CPHXL: variants seen among roughly 807,000 people sequenced by gnomAD.
The protein encoded by CPHXL is cytoplasmic polyadenylated homeobox-like protein.
intron 2 of CPHXL, among the ~76,000 whole-genome samples, chr16:75,717,022 A>G (rs1555519239): frequency 6.6e-6 from 1 of 152,220 alleles, no homozygotes; most frequent in Non-Finnish European, 1.5e-5. Context: ...AGTAAAAGGC[A>G]ACTTTCATCT....
Position 75,718,394 on chromosome 16 carries a change from TTTTG to T in CPHXL, c.86_89del (p.Thr29AsnfsTer40). On this transcript the variant is annotated frameshift_variant, in exon 2 of 3. Coordinates refer to ENST00000640559, the MANE Select transcript of CPHXL (RefSeq NM_001355613.1). LOFTEE classifies it high-confidence loss of function. The stretch of plus-strand genomic sequence containing the variant: ...ATTCTTCAGAAAATTTATGTCGGTG[TTTTG>T]TTTTTCTTTTATTCTTTGTTTGTCT... 2 of 398,774 alleles carry T rather than the reference TTTTG, an allele frequency of 5.0e-6. No individual in the cohort carries two copies. The highest frequency in any genetic ancestry group is 8.8e-6 in the Non-Finnish European group (2 of 226,180). The allele number at this position is 398,774 out of a possible 1,614,324, so 24.7% of individuals were successfully genotyped here. A position where few individuals can be genotyped will look rare whatever the true frequency, so the allele number is the denominator to read the frequency against.
intron 1 of CPHXL, among the ~76,000 whole-genome samples, chr16:75,725,751 G>GTTTTTTTTTTTTT (rs1959548849): frequency 9.7e-6 from 1 of 103,184 alleles, no homozygotes; most frequent in Admixed American, 1.4e-4. Context: ...CGTGCCCGGC[G>GTTTTTTTTTTTTT]TCTTTTTTTT....
intron 2 of CPHXL, among the ~76,000 whole-genome samples, chr16:75,715,782 C>T (rs761098198): frequency 8.4e-4 from 127 of 151,948 alleles, no homozygotes; most frequent in Admixed American, 1.9e-3. Flanking sequence ...CTGCAACCTC[C>T]GCCTCCTGGA....
chr16:75,721,912 C>G (rs1366249317), intron 1 of CPHXL, among the ~76,000 whole-genome samples: 2 of 152,190 alleles, frequency 1.3e-5, no homozygotes, highest in African/African-American at 4.8e-5. Flanking sequence ...GTCTCTCAGA[C>G]CACAGTGCAA....
At chr16:75,715,277 T>C (rs1019306721) in intron 2 of CPHXL, 55 bp from the exon 3 acceptor site, 11 of 398,374 alleles carry the variant, frequency 2.8e-5, no homozygotes, top group Admixed American at 4.4e-5. Flanking sequence ...AATATATTCT[T>C]ATATGCATTC....
In CPHXL at chr16:75,714,530, T is replaced by C. The variant is rs1054499725; in HGVS notation, c.912A>G (p.Gly304=). 2 of 398,618 alleles carry C rather than the reference T, an allele frequency of 5.0e-6. No homozygotes were observed. Among genetic ancestry groups the C allele is most frequent in the Non-Finnish European group, 8.8e-6 (2 of 226,076 alleles). The allele number at this position is 398,618 out of a possible 1,614,324, so 24.7% of individuals were successfully genotyped here. The change falls in exon 3 of 3, where the codon GGA becomes GGG. Residue 304 remains glycine, a synonymous_variant. Coordinates refer to ENST00000640559, the MANE Select transcript of CPHXL (RefSeq NM_001355613.1). The part of the protein sequence containing the change: ...CLCSFCLSLL[G]QQQQNDWQYH... ...ACTGCCAATCATTCTGCTGCTGTTG[T>C]CCCAGCAGTGAGAGACAGAATGAGC...
At chr16:75,718,631 T>G (rs1052095259) in intron 1 of CPHXL, among the ~76,000 whole-genome samples, 173 bp from the exon 2 acceptor site, 1 of 152,198 alleles carries the variant, frequency 6.6e-6, no homozygotes, top group African/African-American at 2.4e-5. Flanking sequence ...AAGCAGGAAT[T>G]GGCTAACTCT....
Position 75,721,691 on chromosome 16 carries a change from C to G in CPHXL, c.26-3233G>C, listed in dbSNP as rs186340866. Among the ~76,000 whole-genome samples, 261 of 152,266 alleles carry G rather than the reference C, an allele frequency of 1.7e-3. 1 individual carries two copies. The highest frequency in any genetic ancestry group is 5.5e-3 in the African/African-American group (230 of 41,542). ...ATCCCACTGTCAACATTAGAAAGAT[C>G]AATGAGACAGAAAGTTAACAAGGAT... is the stretch of plus-strand genomic sequence containing the variant. On this transcript the variant is annotated intron_variant, in intron 1 of 2. Transcript: ENST00000640559.
intron 1 of CPHXL, among the ~76,000 whole-genome samples, chr16:75,720,933 A>C (rs1338171123): frequency 1.3e-5 from 2 of 152,230 alleles, no homozygotes; most frequent in African/African-American, 4.8e-5. Context: ...GCCAGAAGAG[A>C]GTGGGGGCCA....
chr16:75,722,251 G>A (rs1378423819), intron 1 of CPHXL, among the ~76,000 whole-genome samples: 3 of 152,138 alleles, frequency 2.0e-5, no homozygotes, highest in Non-Finnish European at 4.4e-5. Context: ...AAATAACTAA[G>A]ATCAGAGCAG....
At chr16:75,722,061 A>G (rs1393085262) in intron 1 of CPHXL, among the ~76,000 whole-genome samples, 2 of 152,228 alleles carry the variant, frequency 1.3e-5, no homozygotes, top group Non-Finnish European at 2.9e-5. Flanking sequence ...ACCAATGAGA[A>G]CAAAGACCCA....
chr16:75,724,927 A>G (rs1959532800), intron 1 of CPHXL, among the ~76,000 whole-genome samples: 1 of 152,240 alleles, frequency 6.6e-6, no homozygotes, highest in Non-Finnish European at 1.5e-5. Context: ...CATATATACC[A>G]CAGAATACTA....
At chr16:75,717,504 T>A (rs1179996283) in intron 2 of CPHXL, among the ~76,000 whole-genome samples, 1 of 152,242 alleles carries the variant, frequency 6.6e-6, no homozygotes, top group Non-Finnish European at 1.5e-5. Flanking sequence ...CATCTCTAGA[T>A]GACTTACAAT....
chr16:75,718,619 G>A (rs1959428592), intron 1 of CPHXL, among the ~76,000 whole-genome samples, 161 bp from the exon 2 acceptor site: 2 of 152,172 alleles, frequency 1.3e-5, no homozygotes, highest in African/African-American at 2.4e-5. Flanking sequence ...AATTACAAAT[G>A]AAAGCAGGAA....
rs1959561574 is a variant in CPHXL, at chr16:75,726,466, C to T, written c.-24G>A. The T allele has an allele frequency of 2.5e-6, 1 of 398,492 alleles. No homozygotes were observed. Among genetic ancestry groups the T allele is most frequent in the Non-Finnish European group, 4.4e-6 (1 of 226,078 alleles). 24.7% of individuals were successfully genotyped at this position (398,492 alleles called of 1,614,324 possible). ...ATCTTGGGGTAGAAGACCTGGACTT[C>T]ACGGAGACCAGCAAGCAACTGAGAT... On this transcript the variant is annotated 5_prime_UTR_variant, in exon 1 of 3. Coordinates refer to ENST00000640559, the MANE Select transcript of CPHXL (RefSeq NM_001355613.1).
chr16:75,715,733 G>A (rs1377965099), intron 2 of CPHXL, among the ~76,000 whole-genome samples: 4 of 149,700 alleles, frequency 2.7e-5, no homozygotes, highest in Non-Finnish European at 5.9e-5. Context: ...TTTTGCTCTT[G>A]TTGCCCTGGC....
At chr16:75,722,316 ACC>A (rs2151839846) in intron 1 of CPHXL, among the ~76,000 whole-genome samples, 1 of 152,318 alleles carries the variant, frequency 6.6e-6, no homozygotes, top group South Asian at 2.1e-4. Context: ...TGAATCCAGG[ACC>A]TGGCTTTTTG....
At chr16:75,722,318 C>G (rs1310820819) in intron 1 of CPHXL, among the ~76,000 whole-genome samples, 1 of 152,042 alleles carries the variant, frequency 6.6e-6, no homozygotes, top group Non-Finnish European at 1.5e-5. Context: ...AATCCAGGAC[C>G]TGGCTTTTTG....
At chr16:75,719,848 C>A (rs953786331) in intron 1 of CPHXL, among the ~76,000 whole-genome samples, 3 of 152,116 alleles carry the variant, frequency 2.0e-5, no homozygotes, top group Non-Finnish European at 2.9e-5. Context: ...CTGGGAGACA[C>A]CCCCCAGTAG....
Sources: gnomAD v4.1 joint callset for allele counts (sites outside exome capture counted in the v4.1 genomes callset) on GRCh38, gnomAD v4.1.1 for gene constraint, MANE v1.5 for transcripts, NCBI Gene and HGNC (gene_info 2026-07-23, HGNC 2026-07-21) for gene names.